RFTN2: variants seen among roughly 807,000 people sequenced by gnomAD.
RFTN2 encodes the protein raftlin family member 2.
RFTN2 carries 34 observed loss-of-function variants against 52.7 expected under a neutral mutation model. That is an observed-to-expected ratio of 0.64 (90% CI 0.49 to 0.86). RFTN2 has a LOEUF of 0.86. Among genes scored for constraint, RFTN2 ranks in the 40% least tolerant of loss-of-function variants. The pLI is 0.00. For synonymous variants in RFTN2, 203 were observed against 217.7 expected (o/e 0.93, Z 0.59); for missense variants, 536 against 600.1 (o/e 0.89, Z 1.12).
intron 3 of RFTN2, among the ~76,000 whole-genome samples, chr2:197,634,519 A>T (rs981019740): frequency 2.4e-4 from 36 of 152,170 alleles, no homozygotes; most frequent in African/African-American, 8.2e-4. Flanking sequence ...CCCAATTTAT[A>T]CCACTACTCT....
intron 5 of RFTN2, among the ~76,000 whole-genome samples, chr2:197,625,717 T>C (rs373219585): frequency 4.0e-5 from 3 of 75,512 alleles, no homozygotes; most frequent in Non-Finnish European, 8.2e-5. Context: ...TCCTCTCCTC[T>C]CCTCCCCTCC....
chr2:197,619,345 T>G (rs969017917), intron 5 of RFTN2, among the ~76,000 whole-genome samples: 31 of 152,038 alleles, frequency 2.0e-4, no homozygotes, highest in Non-Finnish European at 4.0e-4. Context: ...ATGGTTGCCG[T>G]GTCTGTGTAG....
intron 8 of RFTN2, among the ~76,000 whole-genome samples, chr2:197,574,839 G>T (rs1462010490): frequency 6.6e-6 from 1 of 151,926 alleles, no homozygotes; most frequent in Non-Finnish European, 1.5e-5. Flanking sequence ...ATGCACTCTA[G>T]CCTGGGCAAC....
intron 1 of RFTN2, among the ~76,000 whole-genome samples, chr2:197,652,807 G>A (rs1295743396): frequency 6.6e-6 from 1 of 152,142 alleles, no homozygotes; most frequent in Non-Finnish European, 1.5e-5. Flanking sequence ...AAATCTAACA[G>A]GGATAAAGTC....
rs869169952 is a variant in RFTN2 at position 197,616,279 on chromosome 2, A to ATTTT, written c.1051-304_1051-301dup. Among the ~76,000 whole-genome samples the ATTTT allele has an allele frequency of 8.7e-4, 57 of 65,632 alleles. 7 individuals are homozygous for ATTTT. The highest frequency in any genetic ancestry group is 1.5e-3 in the African/African-American group (22 of 14,472). 43.1% of individuals were successfully genotyped at this position (65,632 alleles called of 152,430 possible). A position where few individuals can be genotyped will look rare whatever the true frequency, so the allele number is the denominator to read the frequency against. Reference sequence around the variant, plus strand: ...GAGCTGGGAATCTGCATTTTATTTTATTTTATTTTATTTTATTTTATTTTA... The same window carrying ATTTT: ...GAGCTGGGAATCTGCATTTTATTTTATTTTTTTTATTTTATTTTATTTTATTTTA... On this transcript the variant is annotated intron_variant, in intron 6 of 8. Coordinates refer to ENST00000295049, the MANE Select transcript of RFTN2 (RefSeq NM_144629.3).
At chr2:197,578,036 A>T (rs1476865479) in intron 8 of RFTN2, among the ~76,000 whole-genome samples, 1 of 152,164 alleles carries the variant, frequency 6.6e-6, no homozygotes, top group Non-Finnish European at 1.5e-5. Flanking sequence ...TCATTCTTGA[A>T]TGATGCTCTC....
At chr2:197,584,078 G>A (rs1026603432) in intron 8 of RFTN2, among the ~76,000 whole-genome samples, 6 of 152,068 alleles carry the variant, frequency 3.9e-5, no homozygotes, top group African/African-American at 9.7e-5. Context: ...ATAGTGCCGC[G>A]ATAAACATAC....
chr2:197,659,677 C>T (rs1001337781), intron 1 of RFTN2, among the ~76,000 whole-genome samples: 1 of 151,604 alleles, frequency 6.6e-6, no homozygotes, highest in Non-Finnish European at 1.5e-5. Flanking sequence ...ATAAACCTGG[C>T]GTGGTGGCGT....
At position 197,629,700 on chromosome 2, in the gene RFTN2, A is replaced by ATT. The variant is rs1553602919; in HGVS notation, c.928+1310_928+1311insAA. ...TACACACACACACACACACACACAC[A>ATT]TATTTATTTTATTTTATTTTATTTT... On this transcript the variant is annotated intron_variant, in intron 5 of 8. Coordinates refer to ENST00000295049, the MANE Select transcript of RFTN2 (RefSeq NM_144629.3). Among the ~76,000 whole-genome samples, 331 of 109,350 alleles carry ATT rather than the reference A, an allele frequency of 3.0e-3. 1 individual carries two copies. The highest frequency in any genetic ancestry group is 9.0e-3 in the South Asian group (24 of 2,654). 71.7% of individuals were successfully genotyped at this position (109,350 alleles called of 152,430 possible). A position where few individuals can be genotyped will look rare whatever the true frequency, so the allele number is the denominator to read the frequency against.
chr2:197,612,907 G>A (rs2088086944), intron 7 of RFTN2, among the ~76,000 whole-genome samples: 1 of 152,150 alleles, frequency 6.6e-6, no homozygotes, highest in Non-Finnish European at 1.5e-5. Context: ...TTAAGACTCT[G>A]TTGTTGCATA....
chr2:197,606,746 C>T (rs1249847659), intron 7 of RFTN2, among the ~76,000 whole-genome samples: 1 of 151,256 alleles, frequency 6.6e-6, no homozygotes, highest in Admixed American at 6.6e-5. Flanking sequence ...TCATCACTGG[C>T]CATCAGAGAA....
chr2:197,589,243 A>G (rs1343743762), intron 8 of RFTN2, among the ~76,000 whole-genome samples: 1 of 146,546 alleles, frequency 6.8e-6, no homozygotes, highest in African/African-American at 2.6e-5. Flanking sequence ...AAAAAAAAAA[A>G]AAAAAAAAAA....
chr2:197,627,818 G>GATCTTACAACTTTTAC (rs2088390689), intron 5 of RFTN2, among the ~76,000 whole-genome samples: 1 of 152,050 alleles, frequency 6.6e-6, no homozygotes, highest in African/African-American at 2.4e-5. Flanking sequence ...GAATTTCACA[G>GATCTTACAACTTTTAC]ATCTTACAAC....
At chr2:197,600,078 T>TA (rs2087857223) in intron 7 of RFTN2, among the ~76,000 whole-genome samples, 8 of 152,150 alleles carry the variant, frequency 5.3e-5, no homozygotes, top group African/African-American at 1.9e-4. Flanking sequence ...AGGCTGGTCT[T>TA]GAACTCCTGA....
intron 1 of RFTN2, among the ~76,000 whole-genome samples, chr2:197,662,397 T>C (rs2088989317): frequency 6.6e-6 from 1 of 152,242 alleles, no homozygotes; most frequent in South Asian, 2.1e-4. Context: ...GTGTATGCTC[T>C]TGACACTTTT....
intron 3 of RFTN2, among the ~76,000 whole-genome samples, chr2:197,643,506 C>A (rs185435262): frequency 3.3e-5 from 5 of 152,158 alleles, no homozygotes; most frequent in Admixed American, 6.5e-5. Flanking sequence ...TAGGTTGAAC[C>A]TGTTACCAAC....
intron 8 of RFTN2, among the ~76,000 whole-genome samples, chr2:197,583,947 G>T (rs1480317364): frequency 1.6e-5 from 2 of 127,436 alleles, no homozygotes; most frequent in Non-Finnish European, 3.3e-5. Flanking sequence ...TCCCTACAAA[G>T]GACATGAAAT....
At chr2:197,648,443 C>T (rs373936049) in intron 1 of RFTN2, among the ~76,000 whole-genome samples, 1 of 152,156 alleles carries the variant, frequency 6.6e-6, no homozygotes, top group South Asian at 2.1e-4. Context: ...TCCTTGTAAA[C>T]AGCCCAGCTC....
At chr2:197,601,989 C>T (rs1167819753) in intron 7 of RFTN2, among the ~76,000 whole-genome samples, 1 of 152,064 alleles carries the variant, frequency 6.6e-6, no homozygotes, top group Non-Finnish European at 1.5e-5. Flanking sequence ...GTGACTAGTA[C>T]TAGTTGTAAA....
Sources: gnomAD v4.1 joint callset for allele counts (sites outside exome capture counted in the v4.1 genomes callset) on GRCh38, gnomAD v4.1.1 for gene constraint, MANE v1.5 for transcripts, NCBI Gene and HGNC (gene_info 2026-07-23, HGNC 2026-07-21) for gene names.